FUT9: variants seen among roughly 807,000 people sequenced by gnomAD.
FUT9 encodes the protein fucosyltransferase 9.
Under a neutral mutation model 29.7 loss-of-function variants are expected in FUT9, and 15 were observed. The observed-to-expected ratio is 0.51, with a 90% CI of 0.34 to 0.78. FUT9 has a LOEUF of 0.78. FUT9 is among the 30% of genes least tolerant of loss of function. The pLI is 0.01. For synonymous variants in FUT9, 169 were observed against 153.7 expected (o/e 1.10, Z -0.74); for missense variants, 319 against 425.4 (o/e 0.75, Z 2.20).
At chr6:96,130,411 A>G (rs4472357) in intron 2 of FUT9, among the ~76,000 whole-genome samples, 49,770 of 151,948 alleles carry the variant, frequency 0.33, 9,691 homozygotes, top group Middle Eastern at 0.43. Context: ...TCTCCCCACC[A>G]TCATCTTGAA....
chr6:96,129,782 C>A (rs768792133), intron 2 of FUT9, among the ~76,000 whole-genome samples: 2 of 151,676 alleles, frequency 1.3e-5, no homozygotes, highest in Non-Finnish European at 2.9e-5. Flanking sequence ...AAAATATATT[C>A]TTCTATTACT....
At position 96,199,651 on chromosome 6, in the gene FUT9, A is replaced by G. The variant is rs149639619; in HGVS notation, c.-8-3497A>G. ...CAAAACTGGGAGATTTTGCTCTTCT[A>G]GTGGTAGGAATAGCCATATGCCAAT... On this transcript the variant is annotated intron_variant, in intron 2 of 2. Transcript: ENST00000302103. 2.0e-3 allele frequency among the ~76,000 whole-genome samples: 304 copies of G among 152,288 alleles called. 1 individual carries two copies. The highest frequency in any genetic ancestry group is 7.1e-3 in the African/African-American group (294 of 41,566).
Position 96,210,961 on chromosome 6 carries a change from T to C in FUT9, c.*6726T>C, listed in dbSNP as rs756166665. 15 of 166,904 alleles carry C rather than the reference T, an allele frequency of 9.0e-5. No individual in the cohort carries two copies. The highest frequency in any genetic ancestry group is 1.9e-4 in the Non-Finnish European group (13 of 68,026). 10.3% of individuals were successfully genotyped at this position (166,904 alleles called of 1,614,324 possible). A position where few individuals can be genotyped will look rare whatever the true frequency, so the allele number is the denominator to read the frequency against. On this transcript the variant is annotated 3_prime_UTR_variant, in exon 3 of 3. Transcript: ENST00000302103. ...GAAATTATATTCAGGTGACTAGATA[T>C]GTGTTCAAGTGTTATCTTTTATTCT...
intron 2 of FUT9, among the ~76,000 whole-genome samples, chr6:96,200,713 G>T (rs1286413426): frequency 6.6e-6 from 1 of 152,190 alleles, no homozygotes; most frequent in African/African-American, 2.4e-5. Flanking sequence ...CTCACAGGAA[G>T]AAAACACTGC....
chr6:96,064,000 T>C (rs1770919945), intron 1 of FUT9, among the ~76,000 whole-genome samples: 1 of 152,194 alleles, frequency 6.6e-6, no homozygotes, highest in Non-Finnish European at 1.5e-5. Context: ...GGTTACACTA[T>C]TAGGGATAAT....
chr6:96,044,796 T>G (rs1365589550), intron 1 of FUT9, among the ~76,000 whole-genome samples: 1 of 152,192 alleles, frequency 6.6e-6, no homozygotes, highest in Non-Finnish European at 1.5e-5. Context: ...AAGTAATCTT[T>G]TATTATGCTA....
chr6:96,196,594 C>T (rs945795532), intron 2 of FUT9, among the ~76,000 whole-genome samples: 1 of 152,062 alleles, frequency 6.6e-6, no homozygotes, highest in Admixed American at 6.6e-5. Flanking sequence ...TACCTGTAAT[C>T]CCAGCTACTT....
Position 96,166,260 on chromosome 6 carries a change from A to T in FUT9, c.-8-36888A>T, listed in dbSNP as rs113844105. On this transcript the variant is annotated intron_variant, in intron 2 of 2. Transcript: ENST00000302103. The stretch of plus-strand genomic sequence containing the variant: ...TTTCAGGTAATTATACTGCCAGGAC[A>T]GTTAAATATGATAATGTAATGTTAG... 2.8e-4 allele frequency among the ~76,000 whole-genome samples: 42 copies of T among 152,320 alleles called. 1 individual carries two copies. Among genetic ancestry groups the T allele is most frequent in the African/African-American group, 9.1e-4 (38 of 41,578 alleles).
At chr6:96,182,853 T>C (rs1231125852) in intron 2 of FUT9, among the ~76,000 whole-genome samples, 1 of 152,148 alleles carries the variant, frequency 6.6e-6, no homozygotes, top group Non-Finnish European at 1.5e-5. Flanking sequence ...CCTTATAGTA[T>C]ACATTGAAAT....
intron 2 of FUT9, among the ~76,000 whole-genome samples, chr6:96,142,312 T>C (rs1772478426): frequency 6.6e-6 from 1 of 152,116 alleles, no homozygotes; most frequent in South Asian, 2.1e-4. Flanking sequence ...TTTTATTCCT[T>C]CTGGCTATAA....
chr6:96,176,203 T>C (rs751542520), intron 2 of FUT9, among the ~76,000 whole-genome samples: 16 of 152,200 alleles, frequency 1.1e-4, no homozygotes, highest in Non-Finnish European at 1.6e-4. Context: ...TTGGTTTCCC[T>C]GGTTCTCCAG....
At chr6:96,188,906 T>C (rs369500871) in intron 2 of FUT9, among the ~76,000 whole-genome samples, 3 of 152,002 alleles carry the variant, frequency 2.0e-5, no homozygotes, top group Non-Finnish European at 2.9e-5. Flanking sequence ...CACTAGGGAC[T>C]GGAATCTGAG....
intron 1 of FUT9, among the ~76,000 whole-genome samples, chr6:96,035,830 A>G (rs1324121262): frequency 7.5e-6 from 1 of 133,020 alleles, no homozygotes. Context: ...TATTATATGT[A>G]TTATATTAAT....
intron 2 of FUT9, among the ~76,000 whole-genome samples, chr6:96,116,835 A>G (rs534554532): frequency 3.9e-5 from 6 of 152,290 alleles, no homozygotes; most frequent in East Asian, 1.9e-4. Context: ...CATTGATTAC[A>G]TGAGGAAATT....
intron 2 of FUT9, among the ~76,000 whole-genome samples, chr6:96,125,697 T>A (rs1347315487): frequency 6.6e-6 from 1 of 152,164 alleles, no homozygotes. Flanking sequence ...CAGAGCCCCA[T>A]GCAACAGTGA....
At chr6:96,202,901 G>A (rs1166897005) in intron 2 of FUT9, among the ~76,000 whole-genome samples, 2 of 152,050 alleles carry the variant, frequency 1.3e-5, no homozygotes, top group African/African-American at 4.8e-5. Flanking sequence ...TGAAAAAAAC[G>A]TTACTTGGTT....
chr6:96,083,957 T>C (rs1771278555), intron 1 of FUT9, among the ~76,000 whole-genome samples: 1 of 152,058 alleles, frequency 6.6e-6, no homozygotes, highest in Non-Finnish European at 1.5e-5. Flanking sequence ...AAGGTGAACA[T>C]TAATAATTTG....
chr6:96,188,347 G>T (rs1437735521), intron 2 of FUT9, among the ~76,000 whole-genome samples: 2 of 151,946 alleles, frequency 1.3e-5, no homozygotes, highest in South Asian at 4.1e-4. Flanking sequence ...GCTCACTGCA[G>T]CCTCGAACTC....
chr6:96,120,627 T>C (rs1412132182), intron 2 of FUT9, among the ~76,000 whole-genome samples: 1 of 115,406 alleles, frequency 8.7e-6, no homozygotes, highest in African/African-American at 3.2e-5. Context: ...TTTTCTGTAC[T>C]AAGACTTTCT....
Sources: gnomAD v4.1 joint callset for allele counts (sites outside exome capture counted in the v4.1 genomes callset) on GRCh38, gnomAD v4.1.1 for gene constraint, MANE v1.5 for transcripts, NCBI Gene and HGNC (gene_info 2026-07-23, HGNC 2026-07-21) for gene names.